Variants in CCSER1 observed in about 807,000 individuals in gnomAD.
CCSER1 encodes coiled-coil serine rich protein 1, also known as serine-rich coiled-coil domain-containing protein 1.
CCSER1 carries 41 observed loss-of-function variants against 82.0 expected under a neutral mutation model. The observed-to-expected ratio is 0.50, with a 90% CI of 0.39 to 0.65. The LOEUF (loss-of-function observed/expected upper bound fraction) is 0.65, where lower values mean the gene tolerates loss of function less well. Ranked by LOEUF, CCSER1 falls within the 30% of genes least tolerant of loss-of-function variation. The pLI is 0.00. For synonymous variants in CCSER1, 414 were observed against 383.9 expected (o/e 1.08, Z -0.92); for missense variants, 1,119 against 1,064.2 (o/e 1.05, Z -0.72).
At chr4:91,318,614 T>C (rs1409138824) in intron 10 of CCSER1, among the ~76,000 whole-genome samples, 1 of 152,062 alleles carries the variant, frequency 6.6e-6, no homozygotes, top group Non-Finnish European at 1.5e-5. Context: ...AAAACTTCAA[T>C]ATCTTATGGC....
intron 10 of CCSER1, among the ~76,000 whole-genome samples, chr4:91,201,622 T>C (rs569173448): frequency 1.7e-4 from 26 of 152,190 alleles, no homozygotes; most frequent in African/African-American, 5.8e-4. Flanking sequence ...GTGTTTACTA[T>C]TAGTTGGACT....
intron 7 of CCSER1, among the ~76,000 whole-genome samples, chr4:90,791,584 C>T (rs946525862): frequency 4.0e-5 from 6 of 151,776 alleles, no homozygotes; most frequent in African/African-American, 1.5e-4. Context: ...GGTGCAGTGG[C>T]TCATACCTGT....
intron 1 of CCSER1, among the ~76,000 whole-genome samples, chr4:90,302,273 A>G (rs1188389388): frequency 6.6e-6 from 1 of 152,232 alleles, no homozygotes; most frequent in Non-Finnish European, 1.5e-5. Flanking sequence ...TGAGATAAAT[A>G]TACAGATGCT....
At chr4:90,838,429 CTGCT>C (rs1762083967) in intron 8 of CCSER1, among the ~76,000 whole-genome samples, 1 of 151,316 alleles carries the variant, frequency 6.6e-6, no homozygotes, top group Non-Finnish European at 1.5e-5. Flanking sequence ...TTTATATGAT[CTGCT>C]TGATCATTTT....
chr4:90,220,060 G>T (rs564800246), intron 1 of CCSER1, among the ~76,000 whole-genome samples: 27 of 152,252 alleles, frequency 1.8e-4, no homozygotes, highest in African/African-American at 6.5e-4. Context: ...GGTATGTATA[G>T]TACAATAAGA....
At chr4:91,287,257 A>G (rs1743346205) in intron 10 of CCSER1, among the ~76,000 whole-genome samples, 1 of 151,942 alleles carries the variant, frequency 6.6e-6, no homozygotes, top group Admixed American at 6.6e-5. Flanking sequence ...CAAAGTCAGA[A>G]AAAATAGTTC....
chr4:90,836,801 T>G (rs1436076453), intron 8 of CCSER1, among the ~76,000 whole-genome samples: 1 of 152,176 alleles, frequency 6.6e-6, no homozygotes, highest in African/African-American at 2.4e-5. Flanking sequence ...TAACTTTGAC[T>G]CCAAGGAGAA....
intron 6 of CCSER1, among the ~76,000 whole-genome samples, chr4:90,635,797 CAT>C (rs1474693649): frequency 6.6e-6 from 1 of 151,758 alleles, no homozygotes; most frequent in Non-Finnish European, 1.5e-5. Flanking sequence ...AGAAAAGATA[CAT>C]GTTTGAGGTG....
intron 8 of CCSER1, 128 bp from the exon 9 acceptor site, chr4:90,923,242 C>A: frequency 1.4e-6 from 1 of 693,248 alleles, no homozygotes; most frequent in Non-Finnish European, 2.5e-6. Context: ...AGAGCACTAA[C>A]ACAGCAAAGC....
intron 1 of CCSER1, among the ~76,000 whole-genome samples, chr4:90,176,600 T>G (rs1732719302): frequency 6.6e-6 from 1 of 152,020 alleles, no homozygotes; most frequent in Admixed American, 6.6e-5. Context: ...ACTGATACTT[T>G]TTTTTTCCCA....
At chr4:90,852,238 G>A (rs1318529957) in intron 8 of CCSER1, among the ~76,000 whole-genome samples, 1 of 152,178 alleles carries the variant, frequency 6.6e-6, no homozygotes, top group African/African-American at 2.4e-5. Flanking sequence ...TTGCTGAATA[G>A]CGTATAATTA....
intron 1 of CCSER1, among the ~76,000 whole-genome samples, chr4:90,187,975 T>C (rs764762289): frequency 5.3e-5 from 8 of 151,994 alleles, no homozygotes; most frequent in African/African-American, 1.7e-4. Flanking sequence ...CTCTTGAGAC[T>C]GAAAACCATG....
chr4:91,468,031 T>A (rs1480184624), intron 10 of CCSER1, among the ~76,000 whole-genome samples: 1 of 152,218 alleles, frequency 6.6e-6, no homozygotes, highest in Admixed American at 6.5e-5. Flanking sequence ...TAAATCATGC[T>A]GCTATAAAGA....
intron 10 of CCSER1, among the ~76,000 whole-genome samples, chr4:91,231,189 A>G (rs1002070315): frequency 1.3e-5 from 2 of 151,904 alleles, no homozygotes; most frequent in African/African-American, 4.8e-5. Flanking sequence ...TACATAAAAT[A>G]AGGGGAAACA....
rs895040028 is a variant in CCSER1 at position 90,955,854 on chromosome 4, T to A, written c.2172+32407T>A. Among the ~76,000 whole-genome samples the A allele has an allele frequency of 6.6e-5, 10 of 152,308 alleles. 1 individual carries two copies. In the East Asian group the frequency reaches 1.9e-3, roughly 29 times the overall value. ...CGTAATTCAGATCATAACTTAAATA[T>A]GTCCTGCTTCGAAAGACTATTCCTT... On this transcript the variant is annotated intron_variant, in intron 9 of 10. Transcript: ENST00000509176.
chr4:90,398,749 C>A (rs963961514), intron 3 of CCSER1, among the ~76,000 whole-genome samples: 2 of 152,084 alleles, frequency 1.3e-5, no homozygotes, highest in Admixed American at 6.5e-5. Flanking sequence ...TTAAGTTATT[C>A]ATTACCTTCG....
chr4:90,411,032 G>T (rs1013989688), intron 4 of CCSER1, among the ~76,000 whole-genome samples: 2 of 152,136 alleles, frequency 1.3e-5, no homozygotes, highest in Non-Finnish European at 2.9e-5. Context: ...TAGAAGAAAT[G>T]GATAAATTCC....
At chr4:90,378,469 C>T (rs1200488944) in intron 3 of CCSER1, among the ~76,000 whole-genome samples, 1 of 152,174 alleles carries the variant, frequency 6.6e-6, no homozygotes, top group East Asian at 1.9e-4. Flanking sequence ...TGTCCTTTCA[C>T]TATGCTGTAC....
chr4:90,438,457 A>G (rs577801016), intron 4 of CCSER1, among the ~76,000 whole-genome samples: 75 of 152,298 alleles, frequency 4.9e-4, no homozygotes, highest in Non-Finnish European at 8.5e-4. Context: ...ATAAGAGAAC[A>G]GGATTATAAA....
Sources: allele counts gnomAD v4.1 joint callset (sites outside exome capture counted in the v4.1 genomes callset), GRCh38; gene constraint gnomAD v4.1.1; transcripts MANE v1.5; gene names NCBI Gene and HGNC (gene_info 2026-07-23, HGNC 2026-07-21).